The following KYNU variants were observed in gnomAD, a reference collection of about 807,000 sequenced individuals.
The protein encoded by KYNU is L-kynurenine hydrolase.
In KYNU, 54 loss-of-function variants were observed where a neutral mutation model predicts 59.2. The observed-to-expected ratio is 0.91, with a 90% CI of 0.73 to 1.14. KYNU has a LOEUF of 1.14. Among genes scored for constraint, KYNU ranks in the 50% most tolerant of loss-of-function variants. KYNU has a pLI of 0.00. For missense variants in KYNU, 567 were observed against 554.4 expected (o/e 1.02, Z -0.23); for synonymous variants, 177 against 192.0 (o/e 0.92, Z 0.65).
intron 3 of KYNU, among the ~76,000 whole-genome samples, chr2:142,922,652 C>T (rs561008210): frequency 2.0e-5 from 3 of 152,274 alleles, no homozygotes; most frequent in Non-Finnish European, 4.4e-5. Flanking sequence ...TCCATCTTCT[C>T]CAGTTTTATG....
chr2:143,013,816 G>A (rs966425838), intron 10 of KYNU, among the ~76,000 whole-genome samples: 1 of 152,166 alleles, frequency 6.6e-6, no homozygotes, highest in Admixed American at 6.5e-5. Context: ...GTAAGGGAGA[G>A]GCTTCGGACC....
At chr2:142,904,238 T>C (rs749356286) in intron 2 of KYNU, among the ~76,000 whole-genome samples, 4 of 152,258 alleles carry the variant, frequency 2.6e-5, no homozygotes, top group African/African-American at 4.8e-5. Context: ...CCTTGTGTTA[T>C]AGTGAACATC....
At chr2:143,032,126 A>G (rs1016945309) in intron 11 of KYNU, among the ~76,000 whole-genome samples, 16 of 151,938 alleles carry the variant, frequency 1.1e-4, no homozygotes, top group African/African-American at 3.9e-4. Flanking sequence ...AAATACAAAA[A>G]AATTAGCTGG....
rs1295319454 is a variant in KYNU at position 143,045,224 on chromosome 2, G to A, written c.*3052G>A. The A allele has an allele frequency of 6.6e-6, 1 of 152,060 alleles. No homozygotes were observed. The highest frequency in any genetic ancestry group is 2.4e-5 in the African/African-American group (1 of 41,420). The allele number at this position is 152,060 out of a possible 1,614,324, so 9.4% of individuals were successfully genotyped here. On this transcript the variant is annotated 3_prime_UTR_variant, in exon 14 of 14. Transcript: ENST00000264170. ...TTTTTGTTCAGTACCATGCTGTTTT[G>A]TTTACTATAGCCTTGTAGTATAGTT...
At chr2:142,883,956 A>G (rs1681399653) in intron 1 of KYNU, among the ~76,000 whole-genome samples, 1 of 152,264 alleles carries the variant, frequency 6.6e-6, no homozygotes, top group Admixed American at 6.5e-5. Flanking sequence ...AAATGAAATC[A>G]GCAAAACTAT....
intron 10 of KYNU, among the ~76,000 whole-genome samples, chr2:143,013,312 G>A (rs1686166249): frequency 6.6e-6 from 1 of 152,092 alleles, no homozygotes. Context: ...GTGTGTGTGT[G>A]TGTGTGTCCA....
intron 10 of KYNU, among the ~76,000 whole-genome samples, chr2:143,017,599 C>T (rs1322998783): frequency 1.3e-5 from 2 of 151,866 alleles, no homozygotes; most frequent in Non-Finnish European, 2.9e-5. Flanking sequence ...CCATCACGCC[C>T]AGCTAATTTT....
At chr2:142,949,312 CTAGGTGGTGTCCCAG>C (rs1683907406) in intron 4 of KYNU, among the ~76,000 whole-genome samples, 1 of 152,222 alleles carries the variant, frequency 6.6e-6, no homozygotes, top group Non-Finnish European at 1.5e-5. Flanking sequence ...CACAGCTCCA[CTAGGTGGTGTCCCAG>C]TAGGTACACT....
chr2:143,038,697 A>G (rs1686956724), intron 12 of KYNU, among the ~76,000 whole-genome samples: 1 of 152,074 alleles, frequency 6.6e-6, no homozygotes, highest in South Asian at 2.1e-4. Flanking sequence ...TACCTTCAGT[A>G]CAGTTCCCAG....
intron 4 of KYNU, chr2:142,947,026 G>A: frequency 6.5e-7 from 1 of 1,544,724 alleles, no homozygotes; most frequent in Non-Finnish European, 8.7e-7. Context: ...GTACCCTTTT[G>A]TGGGCTGATT....
At position 143,045,141 on chromosome 2, in the gene KYNU, G is replaced by A. The variant is rs1687146767; in HGVS notation, c.*2969G>A. On this transcript the variant is annotated 3_prime_UTR_variant, in exon 14 of 14. Transcript: ENST00000264170. ...CAGGTTTATCAAAGATCAGATGGTT[G>A]TAAATGTGTGGTGTTATTTCTGAGG... is the stretch of plus-strand genomic sequence containing the variant. 2.0e-5 allele frequency: 3 copies of A among 152,108 alleles called. No homozygotes were observed. The highest frequency in any genetic ancestry group is 1.5e-5 in the Non-Finnish European group (1 of 68,010). 9.4% of individuals were successfully genotyped at this position (152,108 alleles called of 1,614,324 possible). A position where few individuals can be genotyped will look rare whatever the true frequency, so the allele number is the denominator to read the frequency against.
At chr2:142,908,838 G>T (rs953603639) in intron 2 of KYNU, among the ~76,000 whole-genome samples, 2 of 152,128 alleles carry the variant, frequency 1.3e-5, no homozygotes, top group Non-Finnish European at 2.9e-5. Context: ...GTTTCACTGT[G>T]TTAGCCAGGA....
intron 10 of KYNU, among the ~76,000 whole-genome samples, chr2:143,004,706 T>TAAAAATA (rs1463020712): frequency 2.0e-5 from 3 of 152,048 alleles, no homozygotes; most frequent in Admixed American, 2.0e-4. Context: ...GTCTCAAAAA[T>TAAAAATA]AAAAATAAAG....
Position 143,046,174 on chromosome 2 carries a change from A to T in KYNU, c.*4002A>T, listed in dbSNP as rs1273490135. ...CCCCAAATCCACAGATAACCATCGAATTATATTTTGTTTTCTTCATTCCCT... is the reference window on the plus strand; with the variant it reads ...CCCCAAATCCACAGATAACCATCGATTTATATTTTGTTTTCTTCATTCCCT... On this transcript the variant is annotated 3_prime_UTR_variant, in exon 14 of 14. Transcript: ENST00000264170. The T allele has an allele frequency of 2.6e-5, 4 of 152,128 alleles. No individual in the cohort carries two copies. The highest frequency in any genetic ancestry group is 1.3e-4 in the Admixed American group (2 of 15,252). 9.4% of individuals were successfully genotyped at this position (152,128 alleles called of 1,614,324 possible). A position where few individuals can be genotyped will look rare whatever the true frequency, so the allele number is the denominator to read the frequency against.
intron 2 of KYNU, among the ~76,000 whole-genome samples, chr2:142,909,161 G>GTTTT (rs377067045): frequency 4.7e-5 from 7 of 149,198 alleles, no homozygotes; most frequent in Non-Finnish European, 6.0e-5. Context: ...CATATATCAA[G>GTTTT]TTTTTTTTTT....
At chr2:142,931,234 A>G (rs562666827) in intron 4 of KYNU, among the ~76,000 whole-genome samples, 1 of 152,286 alleles carries the variant, frequency 6.6e-6, no homozygotes, top group Non-Finnish European at 1.5e-5. Context: ...CTCAGGGAGA[A>G]TCGTACATTC....
In KYNU at chr2:142,948,575, A is replaced by T. The variant is rs143142602; in HGVS notation, c.374-6235A>T. ...CTTATGTGGATGGCGACAGGCAAAG[A>T]GATAGCTTGTGTAGGGAAACTCCCC... On this transcript the variant is annotated intron_variant, in intron 4 of 13. Transcript: ENST00000264170. Among the ~76,000 whole-genome samples the T allele has an allele frequency of 5.8e-3, 880 of 152,264 alleles. 5 individuals are homozygous for T. Among genetic ancestry groups the T allele is most frequent in the Middle Eastern group, 0.017 (5 of 294 alleles).
intron 12 of KYNU, among the ~76,000 whole-genome samples, chr2:143,036,475 TA>T (rs917950382): frequency 3.2e-4 from 49 of 152,232 alleles, no homozygotes; most frequent in African/African-American, 1.1e-3. Context: ...CTAAGAAAGG[TA>T]AAAACACTTT....
At chr2:142,917,174 A>G (rs746557101) in intron 2 of KYNU, among the ~76,000 whole-genome samples, 3 of 152,176 alleles carry the variant, frequency 2.0e-5, no homozygotes, top group Non-Finnish European at 2.9e-5. Flanking sequence ...AAAAAAGGTA[A>G]ATACAATAAA....
Sources: gnomAD v4.1 joint callset for allele counts (sites outside exome capture counted in the v4.1 genomes callset) on GRCh38, gnomAD v4.1.1 for gene constraint, MANE v1.5 for transcripts, NCBI Gene and HGNC (gene_info 2026-07-23, HGNC 2026-07-21) for gene names.